LRRFIP2: variants seen among roughly 807,000 people sequenced by gnomAD.
LRRFIP2 encodes LRR binding FLII interacting protein 2.
In LRRFIP2, 109 loss-of-function variants were observed where a neutral mutation model predicts 125.9. That is an observed-to-expected ratio of 0.87 (90% CI 0.74 to 1.01). LRRFIP2 has a LOEUF of 1.01. LRRFIP2 is among the 50% of genes least tolerant of loss of function. LRRFIP2 has a pLI of 0.00. For synonymous variants in LRRFIP2, 291 were observed against 293.1 expected (o/e 0.99, Z 0.07); for missense variants, 850 against 862.3 (o/e 0.99, Z 0.18).
chr3:37,120,793 A>AT (rs1260345055), intron 6 of LRRFIP2, among the ~76,000 whole-genome samples: 4 of 151,376 alleles, frequency 2.6e-5, no homozygotes, highest in Admixed American at 1.3e-4. Flanking sequence ...AATAAAAAAA[A>AT]TTTTAAATAA....
At chr3:37,138,085 T>C (rs1416659356) in intron 2 of LRRFIP2, among the ~76,000 whole-genome samples, 1 of 152,222 alleles carries the variant, frequency 6.6e-6, no homozygotes, top group African/African-American at 2.4e-5. Context: ...TATTCCATCG[T>C]GGAATTAATT....
At chr3:37,090,310 C>A (rs746562968) in intron 18 of LRRFIP2, among the ~76,000 whole-genome samples, 21 of 152,118 alleles carry the variant, frequency 1.4e-4, no homozygotes, top group Non-Finnish European at 2.6e-4. Context: ...CTCACTGCAA[C>A]CTCCACCTTC....
At chr3:37,129,730 G>A (rs1403291209) in intron 2 of LRRFIP2, among the ~76,000 whole-genome samples, 6 of 152,104 alleles carry the variant, frequency 3.9e-5, no homozygotes, top group Admixed American at 3.9e-4. Flanking sequence ...CAGTGGCTCA[G>A]GCCTGTAATC....
At chr3:37,126,868 A>AAAAAG (rs59982718) in intron 4 of LRRFIP2, among the ~76,000 whole-genome samples, 49,235 of 146,642 alleles carry the variant, frequency 0.34, 9,424 homozygotes, top group Non-Finnish European at 0.44. Context: ...TCAAAAAAAA[A>AAAAAG]AAAGAAAGAA....
At chr3:37,094,222 A>T (rs1384751134) in intron 17 of LRRFIP2, among the ~76,000 whole-genome samples, 1 of 152,206 alleles carries the variant, frequency 6.6e-6, no homozygotes, top group African/African-American at 2.4e-5. Context: ...CCTGCCTCAC[A>T]AACAGCAGGT....
intron 19 of LRRFIP2, among the ~76,000 whole-genome samples, chr3:37,075,810 C>G (rs1023776949): frequency 6.6e-6 from 1 of 151,918 alleles, no homozygotes; most frequent in Non-Finnish European, 1.5e-5. Flanking sequence ...TATAAAGCTT[C>G]TATAATTAAA....
intron 21 of LRRFIP2, chr3:37,066,570 A>G: frequency 2.4e-6 from 1 of 413,470 alleles, no homozygotes; most frequent in Non-Finnish European, 4.5e-6. Flanking sequence ...ATGTTTAATC[A>G]CATCAAGCAG....
At chr3:37,083,011 A>C (rs941652664) in intron 19 of LRRFIP2, among the ~76,000 whole-genome samples, 2 of 152,158 alleles carry the variant, frequency 1.3e-5, no homozygotes, top group Non-Finnish European at 2.9e-5. Context: ...TCAACCCTTC[A>C]AAAAGTCTAA....
chr3:37,107,025 C>T (rs2094359556), intron 13 of LRRFIP2, among the ~76,000 whole-genome samples: 1 of 152,014 alleles, frequency 6.6e-6, no homozygotes, highest in African/African-American at 2.4e-5. Context: ...CTGCCTCAGC[C>T]TCCCGAGTAG....
chr3:37,127,710 T>C, intron 3 of LRRFIP2, 30 bp from the exon 4 acceptor site: 1 of 1,576,210 alleles, frequency 6.3e-7, no homozygotes, highest in South Asian at 1.1e-5. Context: ...ATAAACCAAA[T>C]AGTTTCTAAC....
intron 18 of LRRFIP2, among the ~76,000 whole-genome samples, chr3:37,085,635 G>A (rs557220524): frequency 6.0e-5 from 9 of 149,948 alleles, no homozygotes; most frequent in Non-Finnish European, 1.0e-4. Context: ...GGGCTGGAGT[G>A]CAATGGCGCG....
chr3:37,163,909 A>G (rs1323301741), intron 1 of LRRFIP2, among the ~76,000 whole-genome samples: 5 of 152,188 alleles, frequency 3.3e-5, no homozygotes, highest in Non-Finnish European at 7.3e-5. Flanking sequence ...TGTAACATGT[A>G]ATTTCTTGAC....
At chr3:37,109,989 G>A (rs1257460624) in intron 9 of LRRFIP2, among the ~76,000 whole-genome samples, 1 of 152,112 alleles carries the variant, frequency 6.6e-6, no homozygotes, top group Non-Finnish European at 1.5e-5. Flanking sequence ...GTTAGGATAT[G>A]GAATGGCAAG....
intron 1 of LRRFIP2, among the ~76,000 whole-genome samples, chr3:37,167,101 G>C (rs770999057): frequency 2.6e-5 from 4 of 151,684 alleles, no homozygotes; most frequent in Non-Finnish European, 5.9e-5. Flanking sequence ...AGAGGCTGAG[G>C]TGGGAGGATC....
At chr3:37,169,549 A>G (rs531784728) in intron 1 of LRRFIP2, among the ~76,000 whole-genome samples, 24 of 152,366 alleles carry the variant, frequency 1.6e-4, no homozygotes, top group African/African-American at 4.6e-4. Flanking sequence ...AAGCCATTTA[A>G]CAGGGAAATA....
At chr3:37,067,234 G>C (rs1293168966) in intron 21 of LRRFIP2, 1 of 152,152 alleles carries the variant, frequency 6.6e-6, no homozygotes, top group East Asian at 1.9e-4. Flanking sequence ...TAAATTCCCT[G>C]CCATTTCCTT....
chr3:37,124,830 A>T (rs542314363), intron 4 of LRRFIP2, among the ~76,000 whole-genome samples: 32 of 152,326 alleles, frequency 2.1e-4, no homozygotes, highest in African/African-American at 7.5e-4. Context: ...TTCATTTGCC[A>T]GGTATTTCTA....
chr3:37,130,776 A>G (rs1388279442), intron 2 of LRRFIP2, among the ~76,000 whole-genome samples: 1 of 152,120 alleles, frequency 6.6e-6, no homozygotes, highest in Non-Finnish European at 1.5e-5. Context: ...AATGGCCCCA[A>G]AGAGCAAGAG....
chr3:37,058,578 G>C (rs1275597812), intron 25 of LRRFIP2, among the ~76,000 whole-genome samples: 1 of 151,944 alleles, frequency 6.6e-6, no homozygotes, highest in Admixed American at 6.6e-5. Context: ...AGGAGGCTGA[G>C]GCAGGAGAAT....
Sources: gnomAD v4.1 joint callset for allele counts (sites outside exome capture counted in the v4.1 genomes callset) on GRCh38, gnomAD v4.1.1 for gene constraint, MANE v1.5 for transcripts, NCBI Gene and HGNC (gene_info 2026-07-23, HGNC 2026-07-21) for gene names.